The following PDK1 variants were observed in gnomAD, a reference collection of about 807,000 sequenced individuals.
PDK1 encodes the protein [Pyruvate dehydrogenase (acetyl-transferring)] kinase isozyme 1, mitochondrial.
A neutral mutation model predicts 54.2 loss-of-function variants in PDK1; 39 were observed. The ratio of observed to expected loss-of-function variants is 0.72; its 90% CI spans 0.56 to 0.94. The LOEUF (loss-of-function observed/expected upper bound fraction) is 0.94, where lower values mean the gene tolerates loss of function less well. Ranked by LOEUF, PDK1 falls within the 40% of genes least tolerant of loss-of-function variation. PDK1 has a pLI of 0.00. For missense variants in PDK1, 552 were observed against 566.0 expected, an observed-to-expected ratio of 0.98 and a Z score of 0.25; for synonymous variants, 221 against 207.1, an observed-to-expected ratio of 1.07 and a Z score of -0.58.
At chr2:172,565,796 TC>T (rs1323364915) in intron 5 of PDK1, among the ~76,000 whole-genome samples, 1 of 152,262 alleles carries the variant, frequency 6.6e-6, no homozygotes, top group Non-Finnish European at 1.5e-5. Context: ...TATGTTTTTT[TC>T]TACAAGTTTA....
At chr2:172,720,114 C>CT in the PDK1 span, among the ~76,000 whole-genome samples, 8 of 81,750 alleles carry the variant, frequency 9.8e-5, no homozygotes, top group South Asian at 4.7e-4. Flanking sequence ...CTCTCTCTCT[C>CT]TCTTTTTTTT....
chr2:172,667,271 T>C, the PDK1 span, among the ~76,000 whole-genome samples: 2 of 152,102 alleles, frequency 1.3e-5, no homozygotes, highest in African/African-American at 2.4e-5. Flanking sequence ...GAAAGGGCCT[T>C]TATTGTGGTT....
chr2:172,631,711 T>C, the PDK1 span, among the ~76,000 whole-genome samples: 1 of 152,172 alleles, frequency 6.6e-6, no homozygotes, highest in Non-Finnish European at 1.5e-5. Context: ...CAAAGGTATA[T>C]ATCCTAAGGA....
At chr2:172,638,078 G>T in the PDK1 span, among the ~76,000 whole-genome samples, 2 of 152,054 alleles carry the variant, frequency 1.3e-5, no homozygotes, top group African/African-American at 4.8e-5. Flanking sequence ...CTTTATGTTT[G>T]GTTGATTTTC....
the PDK1 span, among the ~76,000 whole-genome samples, chr2:172,650,762 A>G: frequency 6.6e-6 from 1 of 152,232 alleles, no homozygotes; most frequent in African/African-American, 2.4e-5. Flanking sequence ...AAAGGGATCA[A>G]TTCAACAAGA....
the PDK1 span, among the ~76,000 whole-genome samples, chr2:172,615,200 C>T: frequency 9.9e-5 from 15 of 152,222 alleles, no homozygotes; most frequent in South Asian, 6.2e-4. Context: ...AGAAATCTTG[C>T]ATCACTGCCA....
the PDK1 span, among the ~76,000 whole-genome samples, chr2:172,651,181 C>T: frequency 1.3e-5 from 2 of 152,152 alleles, no homozygotes; most frequent in East Asian, 1.9e-4. Flanking sequence ...CACTCAAAAC[C>T]GCTCAACTAC....
chr2:172,675,738 T>TA, the PDK1 span, among the ~76,000 whole-genome samples: 3 of 152,222 alleles, frequency 2.0e-5, no homozygotes, highest in Non-Finnish European at 2.9e-5. Context: ...AAGATCCAGT[T>TA]AAGATCATTG....
At chr2:172,644,194 GGA>G in the PDK1 span, among the ~76,000 whole-genome samples, 1 of 152,210 alleles carries the variant, frequency 6.6e-6, no homozygotes, top group African/African-American at 2.4e-5. Context: ...GACAGGACAG[GGA>G]GAGAGACTTT....
chr2:172,720,358 G>A, the PDK1 span, among the ~76,000 whole-genome samples: 4 of 152,096 alleles, frequency 2.6e-5, no homozygotes, highest in East Asian at 1.9e-4. Flanking sequence ...CAAGTAATCC[G>A]CCCACCTCGG....
the PDK1 span, among the ~76,000 whole-genome samples, chr2:172,707,888 A>G: frequency 2.0e-5 from 3 of 152,360 alleles, no homozygotes; most frequent in Non-Finnish European, 4.4e-5. Context: ...CCACAGAAAA[A>G]TGGAATTTAC....
At chr2:172,645,166 T>C in the PDK1 span, among the ~76,000 whole-genome samples, 1 of 147,914 alleles carries the variant, frequency 6.8e-6, no homozygotes, top group African/African-American at 2.5e-5. Flanking sequence ...GTACATATCG[T>C]GCCCTTTCCC....
At chr2:172,573,020 C>A (rs1689367402) in intron 8 of PDK1, among the ~76,000 whole-genome samples, 1 of 152,042 alleles carries the variant, frequency 6.6e-6, no homozygotes, top group Admixed American at 6.6e-5. Flanking sequence ...TGGTTTGTTT[C>A]TATTTTTTGG....
the PDK1 span, among the ~76,000 whole-genome samples, chr2:172,622,342 T>TATATTATGTGAGATATGTTTATATCTC: frequency 2.0e-5 from 3 of 148,834 alleles, no homozygotes; most frequent in Non-Finnish European, 4.5e-5. Context: ...TTATATCTCA[T>TATATTATGTGAGATATGTTTATATCTC]ATATTGTGTG....
chr2:172,691,669 TTA>T, the PDK1 span, among the ~76,000 whole-genome samples: 15 of 152,250 alleles, frequency 9.9e-5, no homozygotes, highest in Non-Finnish European at 2.1e-4. Flanking sequence ...CGTACAATAT[TTA>T]GTCTTTTCAG....
At chr2:172,673,528 C>T in the PDK1 span, among the ~76,000 whole-genome samples, 11 of 152,258 alleles carry the variant, frequency 7.2e-5, no homozygotes, top group East Asian at 1.7e-3. Flanking sequence ...AGTTAACAAC[C>T]TCCCTGAGCA....
the PDK1 span, among the ~76,000 whole-genome samples, chr2:172,614,544 C>T: frequency 6.6e-6 from 1 of 152,164 alleles, no homozygotes; most frequent in Non-Finnish European, 1.5e-5. Context: ...AGAGGAGCTG[C>T]CGTCTGCTGA....
At chr2:172,711,459 T>C in the PDK1 span, among the ~76,000 whole-genome samples, 2 of 152,320 alleles carry the variant, frequency 1.3e-5, no homozygotes. Flanking sequence ...GTGAATAAAC[T>C]AATATATTTC....
At chr2:172,577,423 A>T (rs1387845716) in intron 8 of PDK1, among the ~76,000 whole-genome samples, 6 of 152,110 alleles carry the variant, frequency 3.9e-5, no homozygotes. Context: ...CAGATCAATT[A>T]AATTTAATAT....
Sources: allele counts gnomAD v4.1 joint callset (sites outside exome capture counted in the v4.1 genomes callset), GRCh38; gene constraint gnomAD v4.1.1; transcripts MANE v1.5; gene names NCBI Gene and HGNC (gene_info 2026-07-23, HGNC 2026-07-21).